RNF185: variants seen among roughly 807,000 people sequenced by gnomAD.
RNF185 encodes the protein E3 ubiquitin-protein ligase RNF185.
Under a neutral mutation model 24.9 loss-of-function variants are expected in RNF185, and 13 were observed. The ratio of observed to expected loss-of-function variants is 0.52; its 90% CI spans 0.34 to 0.83. RNF185 has a LOEUF of 0.83. Ranked by LOEUF, RNF185 falls within the 40% of genes least tolerant of loss-of-function variation. RNF185 has a pLI of 0.01. For missense variants in RNF185, 184 were observed against 244.7 expected, an observed-to-expected ratio of 0.75 and a Z score of 1.65; for synonymous variants, 79 against 90.3, an observed-to-expected ratio of 0.88 and a Z score of 0.71.
At position 31,200,662 on chromosome 22, in the gene RNF185, G is replaced by C. The variant is rs5753511; in HGVS notation, c.364-836G>C. 0.037 allele frequency among the ~76,000 whole-genome samples: 5,661 copies of C among 152,298 alleles called. 496 individuals are homozygous for C. The East Asian group carries it at 0.37, about 10-fold the overall frequency. On this transcript the variant is annotated intron_variant, in intron 5 of 6. Transcript: ENST00000326132. ...AACATGCACATGGAAAGAAAACTGA[G>C]GGTGATATACCAAACTGCTGATAGT...
chr22:31,182,699 C>T (rs1874746005), intron 1 of RNF185, among the ~76,000 whole-genome samples: 1 of 151,842 alleles, frequency 6.6e-6, no homozygotes, highest in African/African-American at 2.4e-5. Flanking sequence ...AATCTTGTTC[C>T]AATAAGACCC....
chr22:31,195,614 C>T lies in RNF185; in HGVS notation c.308+33C>T, dbSNP rs1378069399. The T allele has an allele frequency of 3.6e-6, 5 of 1,377,958 alleles. 1 individual carries two copies. In the South Asian group the frequency reaches 3.7e-5, roughly 10 times the overall value. The allele number at this position is 1,377,958 out of a possible 1,614,324, so 85.4% of individuals were successfully genotyped here. A position where few individuals can be genotyped will look rare whatever the true frequency, so the allele number is the denominator to read the frequency against. ...CTCAGGATGCCTCTCCCAACCACTT[C>T]TCCCCTTGGATGTGAATTCACTCCC... is the stretch of plus-strand genomic sequence containing the variant. On this transcript the variant is annotated intron_variant, in intron 4 of 6. Transcript: ENST00000326132.
chr22:31,196,233 C>T (rs1375606123), intron 4 of RNF185, among the ~76,000 whole-genome samples: 1 of 152,170 alleles, frequency 6.6e-6, no homozygotes, highest in African/African-American at 2.4e-5. Context: ...CTACTCATCT[C>T]TTATGAGCAG....
intron 1 of RNF185, among the ~76,000 whole-genome samples, chr22:31,183,912 G>A (rs937446970): frequency 4.4e-5 from 6 of 135,062 alleles, no homozygotes; most frequent in Non-Finnish European, 6.2e-5. Context: ...CCTCCCAGAC[G>A]GGGTGGCGGC....
In RNF185 at chr22:31,173,313, G is replaced by C. The variant is rs117761859; in HGVS notation, c.-49+13010G>C. 6.9e-3 allele frequency among the ~76,000 whole-genome samples: 1,049 copies of C among 151,138 alleles called. 4 individuals carry two copies. The highest frequency in any genetic ancestry group is 0.021 in the Middle Eastern group (6 of 292). ...CCAGTTCTGAACAGCATGTTTTGCT[G>C]TTATAGGATACTGATTTTCCACAAC... is the stretch of plus-strand genomic sequence containing the variant. On this transcript the variant is annotated intron_variant, in intron 1 of 6. Transcript: ENST00000326132.
Position 31,205,198 on chromosome 22 carries a change from A to C in RNF185, c.*612A>C, listed in dbSNP as rs1392326448. 5.8e-6 allele frequency: 1 copy of C among 171,546 alleles called. No individual in the cohort carries two copies. Among genetic ancestry groups the C allele is most frequent in the East Asian group, 1.9e-4 (1 of 5,234 alleles). 10.6% of individuals were successfully genotyped at this position (171,546 alleles called of 1,614,324 possible). On this transcript the variant is annotated 3_prime_UTR_variant, in exon 7 of 7. Transcript: ENST00000326132. ...TGGGGTCACTTCGTGAATTCACCAG[A>C]GACTCAAAGATCTTTTATTGGCTCT...
chr22:31,180,393 A>C (rs568422439), intron 1 of RNF185, among the ~76,000 whole-genome samples: 33 of 148,576 alleles, frequency 2.2e-4, no homozygotes, highest in African/African-American at 7.7e-4. Context: ...TGAACCCGGG[A>C]GGTGGAGGTT....
chr22:31,160,910 T>C (rs1421839068), intron 1 of RNF185, among the ~76,000 whole-genome samples: 1 of 152,222 alleles, frequency 6.6e-6, no homozygotes, highest in Non-Finnish European at 1.5e-5. Flanking sequence ...AGGGGGGTCC[T>C]GTATATACTA....
chr22:31,173,152 T>C (rs1228394062), intron 1 of RNF185, among the ~76,000 whole-genome samples: 2 of 152,144 alleles, frequency 1.3e-5, no homozygotes, highest in African/African-American at 2.4e-5. Flanking sequence ...GTGAGTATGT[T>C]ATCTTTAATA....
intron 1 of RNF185, among the ~76,000 whole-genome samples, chr22:31,177,513 C>G (rs1395473251): frequency 6.6e-6 from 1 of 152,154 alleles, no homozygotes; most frequent in African/African-American, 2.4e-5. Context: ...TTTCCAAGTT[C>G]CAATAAACTT....
chr22:31,181,855 G>C (rs1227925399), intron 1 of RNF185, among the ~76,000 whole-genome samples: 1 of 144,370 alleles, frequency 6.9e-6, no homozygotes, highest in Non-Finnish European at 1.5e-5. Flanking sequence ...GGCCTGTTGT[G>C]GGGTGGGGGG....
At chr22:31,182,663 G>A (rs1263617149) in intron 1 of RNF185, among the ~76,000 whole-genome samples, 1 of 151,886 alleles carries the variant, frequency 6.6e-6, no homozygotes, top group Non-Finnish European at 1.5e-5. Flanking sequence ...CATGTCACAA[G>A]TGTCTTTGTA....
intron 1 of RNF185, among the ~76,000 whole-genome samples, chr22:31,181,719 C>A (rs1219399813): frequency 1.3e-5 from 2 of 152,088 alleles, no homozygotes; most frequent in Non-Finnish European, 2.9e-5. Context: ...GTGGATGAAG[C>A]TGGAAACCAT....
intron 1 of RNF185, among the ~76,000 whole-genome samples, chr22:31,181,763 C>G (rs1179728663): frequency 6.6e-6 from 1 of 151,310 alleles, no homozygotes; most frequent in Non-Finnish European, 1.5e-5. Context: ...GACAAAAAAC[C>G]AAACACCTCA....
intron 4 of RNF185, 151 bp downstream of exon 4, chr22:31,195,732 G>A: frequency 1.6e-6 from 1 of 609,932 alleles, no homozygotes; most frequent in Non-Finnish European, 2.9e-6. Flanking sequence ...GCTAGGAGGG[G>A]AGGGAAGAGA....
chr22:31,185,196 C>A (rs1039049193), intron 1 of RNF185, among the ~76,000 whole-genome samples: 2 of 152,034 alleles, frequency 1.3e-5, no homozygotes, highest in African/African-American at 4.8e-5. Flanking sequence ...ATCCAGCTAC[C>A]CTTCTGGGAC....
At chr22:31,191,361 G>A (rs946894012) in intron 2 of RNF185, among the ~76,000 whole-genome samples, 14 of 152,158 alleles carry the variant, frequency 9.2e-5, no homozygotes, top group African/African-American at 3.4e-4. Context: ...TTTGGTTTGT[G>A]AAGCTAAACT....
rs774194140 is a variant in RNF185, at chr22:31,204,534, G to A, written c.527G>A (p.Arg176His). 3.1e-6 allele frequency: 5 copies of A among 1,610,364 alleles called. No individual in the cohort carries two copies. The highest frequency in any genetic ancestry group is 4.2e-6 in the Non-Finnish European group (5 of 1,176,734). The change falls in exon 7 of 7, where the codon CGC (arginine) becomes CAC (histidine). Residue 176 changes from arginine to histidine, a missense_variant. Transcript: ENST00000326132. The part of the protein sequence containing the change: ...PQYVDEQFLS[R>H]LFLFVALVIM... ...TATGTGGACGAGCAGTTCCTGTCAC[G>A]CCTCTTCCTATTTGTGGCCCTGGTG... is the stretch of plus-strand genomic sequence containing the variant.
intron 1 of RNF185, among the ~76,000 whole-genome samples, chr22:31,173,410 CACACAG>C (rs1411037790): frequency 6.4e-4 from 68 of 107,012 alleles, no homozygotes; most frequent in African/African-American, 2.5e-3. Flanking sequence ...CATTCACACA[CACACAG>C]ACACACACAC....
Sources: allele counts gnomAD v4.1 joint callset (sites outside exome capture counted in the v4.1 genomes callset), GRCh38; gene constraint gnomAD v4.1.1; transcripts MANE v1.5; gene names NCBI Gene and HGNC (gene_info 2026-07-23, HGNC 2026-07-21).